The following GMEB1 variants were observed in gnomAD, a reference collection of about 807,000 sequenced individuals.
The protein encoded by GMEB1 is glucocorticoid modulatory element binding protein 1, also known as glucocorticoid modulatory element-binding protein 1.
Under a neutral mutation model 52.4 loss-of-function variants are expected in GMEB1, and 6 were observed. The ratio of observed to expected loss-of-function variants is 0.11; its 90% CI spans 0.06 to 0.23. The LOEUF is 0.23. Ranked by LOEUF, GMEB1 falls within the 10% of genes least tolerant of loss-of-function variation. The pLI is 1.00. For missense variants in GMEB1, 486 were observed against 685.6 expected, an observed-to-expected ratio of 0.71 and a Z score of 3.25; for synonymous variants, 255 against 244.9, an observed-to-expected ratio of 1.04 and a Z score of -0.38.
chr1:28,668,996 C>T (rs1344586962), intron 1 of GMEB1, among the ~76,000 whole-genome samples, 157 bp downstream of exon 1: 1 of 143,944 alleles, frequency 6.9e-6, no homozygotes, highest in Admixed American at 6.8e-5. Context: ...GTGCGTGCCG[C>T]CGCCGCCGCC....
At chr1:28,698,935 G>C (rs1395041456) in intron 6 of GMEB1, among the ~76,000 whole-genome samples, 1 of 152,048 alleles carries the variant, frequency 6.6e-6, no homozygotes, top group Non-Finnish European at 1.5e-5. Flanking sequence ...AGTGAGCCGA[G>C]ATCGTCCCAT....
At chr1:28,708,671 A>G (rs1276188814) in intron 8 of GMEB1, among the ~76,000 whole-genome samples, 1 of 146,232 alleles carries the variant, frequency 6.8e-6, no homozygotes, top group Admixed American at 6.9e-5. Context: ...GGGTTTCACC[A>G]TATTGGTCAG....
intron 2 of GMEB1, among the ~76,000 whole-genome samples, chr1:28,684,432 A>G (rs912429045): frequency 2.0e-5 from 3 of 151,858 alleles, no homozygotes; most frequent in Non-Finnish European, 2.9e-5. Flanking sequence ...GCGTGGTAGC[A>G]GGCGCCTGTA....
intron 1 of GMEB1, among the ~76,000 whole-genome samples, chr1:28,679,032 T>C (rs1286434884): frequency 6.6e-6 from 1 of 152,060 alleles, no homozygotes; most frequent in Non-Finnish European, 1.5e-5. Context: ...TGCCTCAACC[T>C]CCGGCTAATT....
rs937325411 is a variant in GMEB1, at chr1:28,716,210, G to A, written c.*1437G>A. ...CAAAGCACTCACCCTCCTAAGCTAG[G>A]ACCAGTCCATTCATTTGAAACTGTG... is the stretch of plus-strand genomic sequence containing the variant. On this transcript the variant is annotated 3_prime_UTR_variant, in exon 10 of 10. Coordinates refer to ENST00000373816, the MANE Select transcript of GMEB1 (RefSeq NM_001319674.2). 3 of 152,210 alleles carry A rather than the reference G, an allele frequency of 2.0e-5. No homozygotes were observed. Among genetic ancestry groups the A allele is most frequent in the African/African-American group, 7.2e-5 (3 of 41,440 alleles). 9.4% of individuals were successfully genotyped at this position (152,210 alleles called of 1,614,324 possible). A position where few individuals can be genotyped will look rare whatever the true frequency, so the allele number is the denominator to read the frequency against.
At position 28,690,192 on chromosome 1, in the gene GMEB1, G is replaced by GTT; in HGVS notation, c.211+6_211+7insTT. The GTT allele has an allele frequency of 8.8e-7, 1 of 1,135,098 alleles. No homozygotes were observed. The highest frequency in any genetic ancestry group is 1.3e-6 in the Non-Finnish European group (1 of 795,196). The allele number at this position is 1,135,098 out of a possible 1,614,324, so 70.3% of individuals were successfully genotyped here. A position where few individuals can be genotyped will look rare whatever the true frequency, so the allele number is the denominator to read the frequency against. ...CAAAATTGAAGAAGGGATTGGTAAG[G>GTT]GTTTTTTTGTGTTTTTTTTTTTTTT... is the stretch of plus-strand genomic sequence containing the variant. On this transcript the variant is annotated splice_region_variant and intron_variant, in intron 3 of 9. Transcript: ENST00000373816.
intron 3 of GMEB1, 119 bp downstream of exon 3, chr1:28,690,305 T>C (rs1181842666): frequency 3.4e-6 from 2 of 586,852 alleles, no homozygotes; most frequent in East Asian, 2.9e-5. Flanking sequence ...CCCATCCCTG[T>C]GTGCCCTACC....
chr1:28,711,741 C>T (rs1331478579), intron 9 of GMEB1, among the ~76,000 whole-genome samples: 1 of 152,180 alleles, frequency 6.6e-6, no homozygotes, highest in Non-Finnish European at 1.5e-5. Context: ...TAGTGTGAGC[C>T]ATTGTGCTCA....
Position 28,714,611 on chromosome 1 carries a change from C to T in GMEB1, c.1530C>T (p.Thr510=). 6.2e-7 allele frequency: 1 copy of T among 1,614,084 alleles called. No homozygotes were observed. The highest frequency in any genetic ancestry group is 8.5e-7 in the Non-Finnish European group (1 of 1,180,004). ...AVESTSEDGQ[T]IIEIDPAPDP... is the part of the protein sequence containing the mutation. Reference sequence around the variant, plus strand: ...AAAGCACCTCAGAGGATGGGCAGACCATCATTGAGATTGATCCAGCCCCGG... The same window carrying T: ...AAAGCACCTCAGAGGATGGGCAGACTATCATTGAGATTGATCCAGCCCCGG... The change falls in exon 10 of 10, where the codon ACC becomes ACT. Residue 510 remains threonine (T), a synonymous_variant. Transcript: ENST00000373816.
intron 1 of GMEB1, among the ~76,000 whole-genome samples, chr1:28,676,808 C>T (rs1669172940): frequency 6.6e-6 from 1 of 152,122 alleles, no homozygotes; most frequent in East Asian, 1.9e-4. Flanking sequence ...TGGCTCATGC[C>T]TGTAATCTCA....
At chr1:28,688,049 C>T (rs572385285) in intron 2 of GMEB1, among the ~76,000 whole-genome samples, 11 of 152,142 alleles carry the variant, frequency 7.2e-5, no homozygotes, top group Non-Finnish European at 1.0e-4. Flanking sequence ...CTTTGGGAGG[C>T]GGAGGTGGGC....
chr1:28,696,529 A>G (rs1489880409), intron 5 of GMEB1, among the ~76,000 whole-genome samples: 2 of 152,300 alleles, frequency 1.3e-5, no homozygotes, highest in South Asian at 2.1e-4. Flanking sequence ...TATAATTAAA[A>G]TACCCCATGG....
chr1:28,695,507 C>G (rs1351102205), intron 5 of GMEB1, among the ~76,000 whole-genome samples: 2 of 151,632 alleles, frequency 1.3e-5, no homozygotes, highest in Non-Finnish European at 2.9e-5. Context: ...GCTGAGATTA[C>G]AAGTGTGAGC....
intron 1 of GMEB1, among the ~76,000 whole-genome samples, chr1:28,676,584 G>A (rs753751162): frequency 3.1e-4 from 47 of 152,014 alleles, no homozygotes; most frequent in African/African-American, 5.8e-4. Context: ...AAAATTAGGC[G>A]GCATGGTGGC....
chr1:28,683,580 C>T lies in GMEB1; in HGVS notation c.-30-3C>T. On this transcript the variant is annotated splice_polypyrimidine_tract_variant and splice_region_variant and intron_variant, in intron 1 of 9. Coordinates refer to ENST00000373816, the MANE Select transcript of GMEB1 (RefSeq NM_001319674.2). Reference sequence around the variant, plus strand: ...AGTTATTGGTGCTTCTTGTTCCCGACAGCAGTCCCAGCTATCTGACTTCAT... The same window carrying T: ...AGTTATTGGTGCTTCTTGTTCCCGATAGCAGTCCCAGCTATCTGACTTCAT... 6.3e-7 allele frequency: 1 copy of T among 1,580,564 alleles called. No homozygotes were observed. The highest frequency in any genetic ancestry group is 8.6e-7 in the Non-Finnish European group (1 of 1,164,620).
At chr1:28,683,474 C>G (rs1482953316) in intron 1 of GMEB1, 109 bp from the exon 2 acceptor site, 1 of 853,660 alleles carries the variant, frequency 1.2e-6, no homozygotes, top group African/African-American at 1.7e-5. Context: ...ATCCGCCTGC[C>G]TAGCTAGGCC....
At chr1:28,706,832 G>A (rs1276075617) in intron 8 of GMEB1, among the ~76,000 whole-genome samples, 1 of 150,686 alleles carries the variant, frequency 6.6e-6, no homozygotes, top group Non-Finnish European at 1.5e-5. Flanking sequence ...GCCTGGCTAG[G>A]TTTTTTGTAT....
rs1226593942 is a variant in GMEB1 at position 28,714,657 on chromosome 1, G to A, written c.1576G>A (p.Glu526Lys). ...CCCGGACCCAGAAGCTGAAGATACT[G>A]AGGGCAAAGCAGTCATCTTGGAGAC... ...PAPDPEAEDT[E>K]GKAVILETEL... The change falls in exon 10 of 10, where the codon GAG (glutamate) becomes AAG (lysine). Residue 526 changes from glutamate to lysine, a missense_variant. By Grantham distance (56) the Glu-to-Lys change is moderately conservative. This residue lies in a region of GMEB1 where 153 missense variants were observed against 200.8 expected (regional missense o/e 0.76). Coordinates refer to ENST00000373816, the MANE Select transcript of GMEB1 (RefSeq NM_001319674.2). The A allele has an allele frequency of 6.2e-7, 1 of 1,614,162 alleles. No individual in the cohort carries two copies. Among genetic ancestry groups the A allele is most frequent in the South Asian group, 1.1e-5 (1 of 91,088 alleles).
Position 28,690,102 on chromosome 1 carries a change from A to C in GMEB1, c.129-2A>C. 1.3e-6 allele frequency: 2 copies of C among 1,599,346 alleles called. No individual in the cohort carries two copies. Among genetic ancestry groups the C allele is most frequent in the Non-Finnish European group, 8.5e-7 (1 of 1,171,564 alleles). On this transcript the variant is annotated splice_acceptor_variant, in intron 2 of 9. Transcript: ENST00000373816. LOFTEE classifies it high-confidence loss of function. Reference sequence around the variant, plus strand: ...GTTTATCGATGGACACTTTTACAACAGGATTTATGAAGCTGGGTCGGAGAA... The same window carrying C: ...GTTTATCGATGGACACTTTTACAACCGGATTTATGAAGCTGGGTCGGAGAA...
Sources: allele counts gnomAD v4.1 joint callset (sites outside exome capture counted in the v4.1 genomes callset), GRCh38; gene constraint gnomAD v4.1.1; regional missense constraint gnomAD v4.1.1; transcripts MANE v1.5; gene names NCBI Gene and HGNC (gene_info 2026-07-23, HGNC 2026-07-21).